The following ARPC5L variants were observed in gnomAD, a reference collection of about 807,000 sequenced individuals.
ARPC5L encodes the protein actin related protein 2/3 complex subunit 5 like, also known as actin-related protein 2/3 complex subunit 5-like protein.
ARPC5L carries 4 observed loss-of-function variants against 16.9 expected under a neutral mutation model. The observed-to-expected ratio is 0.24, with a 90% CI of 0.12 to 0.54. The LOEUF is 0.54. Ranked by LOEUF, ARPC5L falls within the 20% of genes least tolerant of loss-of-function variation. ARPC5L has a pLI of 0.95. For synonymous variants in ARPC5L, 78 were observed against 82.6 expected, an observed-to-expected ratio of 0.94 and a Z score of 0.30; for missense variants, 151 against 201.9, an observed-to-expected ratio of 0.75 and a Z score of 1.53.
In ARPC5L at chr9:124,868,830, GAGCCTTCTCCCGGGGGCCCAGCCTTCCCC is replaced by G. The variant is rs1360502860; in HGVS notation, c.-458_-430del. On this transcript the variant is annotated 5_prime_UTR_variant, in exon 3 of 6. Transcript: ENST00000353214. The stretch of plus-strand genomic sequence containing the variant: ...CCCGGCACTCGAGAAGTAGAGCCGC[GAGCCTTCTCCCGGGGGCCCAGCCTTCCCC>G]AGTACCGGCAGGGATCACCCCGGGA... The G allele has an allele frequency of 4.5e-5, 7 of 155,496 alleles. No individual in the cohort carries two copies. In the Admixed American group the frequency reaches 4.6e-4, roughly 10 times the overall value. 9.6% of individuals were successfully genotyped at this position (155,496 alleles called of 1,614,324 possible). A position where few individuals can be genotyped will look rare whatever the true frequency, so the allele number is the denominator to read the frequency against.
chr9:124,865,161 G>C (rs890598639), intron 2 of ARPC5L, among the ~76,000 whole-genome samples: 1 of 151,904 alleles, frequency 6.6e-6, no homozygotes, highest in Admixed American at 6.6e-5. Flanking sequence ...TGAAAGTCTA[G>C]GCCGGGCGTG....
rs983492915 is a variant in ARPC5L, at chr9:124,869,531, CCT to C, written c.149+93_149+94del. On this transcript the variant is annotated intron_variant, in intron 3 of 5. Transcript: ENST00000353214. ...CTCGGGCCCTTTCGGGCGGGCCTCC[CCT>C]GTCTCCGACCCTTGGCCCCCTCAGG... 116 of 1,390,818 alleles carry C rather than the reference CCT, an allele frequency of 8.3e-5. 1 individual carries two copies. In the African/African-American group the frequency reaches 1.7e-3, roughly 20 times the overall value. The allele number at this position is 1,390,818 out of a possible 1,614,324, so 86.2% of individuals were successfully genotyped here.
chr9:124,865,243 GAGGCAGAGGTTGC>G lies in ARPC5L; in HGVS notation c.-864+1139_-864+1151del, dbSNP rs1427952462. Among the ~76,000 whole-genome samples, 4 of 146,768 alleles carry G rather than the reference GAGGCAGAGGTTGC, an allele frequency of 2.7e-5. No homozygotes were observed. In the East Asian group the frequency reaches 8.1e-4, roughly 30 times the overall value. ...GAAGCAAGAGAATCGCTTGAACCCA[GAGGCAGAGGTTGC>G]AGTGAGCCGAGATCGGGCCATTGCA... is the stretch of plus-strand genomic sequence containing the variant. On this transcript the variant is annotated intron_variant, in intron 2 of 5. Coordinates refer to ENST00000353214, the MANE Select transcript of ARPC5L (RefSeq NM_030978.3).
Position 124,869,107 on chromosome 9 carries a change from G to A in ARPC5L, c.-184G>A, listed in dbSNP as rs112110607. On this transcript the variant is annotated 5_prime_UTR_variant, in exon 3 of 6. Transcript: ENST00000353214. ...CAGGCTCCGCCCCGCCCCTGACGGC[G>A]CTTCCGGATCCGGCGGGTGCCGGAA... is the stretch of plus-strand genomic sequence containing the variant. 4 of 629,400 alleles carry A rather than the reference G, an allele frequency of 6.4e-6. No individual in the cohort carries two copies. The highest frequency in any genetic ancestry group is 9.3e-6 in the Non-Finnish European group (4 of 431,846). The allele number at this position is 629,400 out of a possible 1,614,324, so 39.0% of individuals were successfully genotyped here.
At position 124,876,968 on chromosome 9, in the gene ARPC5L, G is replaced by A; in HGVS notation, c.*28G>A. On this transcript the variant is annotated 3_prime_UTR_variant, in exon 6 of 6. Transcript: ENST00000353214. ...AAAATAAAAAGACTCATGTTACCTT[G>A]AGAAGAATTCTGGATGCCCAGGCTG... The A allele has an allele frequency of 6.3e-7, 1 of 1,585,894 alleles. No individual in the cohort carries two copies. The highest frequency in any genetic ancestry group is 8.6e-7 in the Non-Finnish European group (1 of 1,162,732).
Position 124,875,004 on chromosome 9 carries a change from G to A in ARPC5L, c.252G>A (p.Val84=). The change falls in exon 5 of 6, where the codon GTG becomes GTA. Residue 84 remains valine (V), a synonymous_variant. Coordinates refer to ENST00000353214, the MANE Select transcript of ARPC5L (RefSeq NM_030978.3). ...KERAQGVVLK[V]LTNFKSSEIE... is the part of the protein sequence containing the mutation. ...GAGCCCAGGGCGTGGTGCTGAAAGT[G>A]CTCACAAACTTCAAGAGCAGTGAGA... 1 of 1,613,994 alleles carries A rather than the reference G, an allele frequency of 6.2e-7. No homozygotes were observed. The highest frequency in any genetic ancestry group is 8.5e-7 in the Non-Finnish European group (1 of 1,179,888).
intron 5 of ARPC5L, among the ~76,000 whole-genome samples, 164 bp from the exon 6 acceptor site, chr9:124,876,714 C>T (rs1023754887): frequency 6.6e-6 from 1 of 152,194 alleles, no homozygotes; most frequent in Non-Finnish European, 1.5e-5. Context: ...CCCACGGCTC[C>T]AGGACAGGGC....
At chr9:124,867,867 T>C (rs543513735) in intron 2 of ARPC5L, among the ~76,000 whole-genome samples, 1 of 148,968 alleles carries the variant, frequency 6.7e-6, no homozygotes, top group Admixed American at 6.8e-5. Flanking sequence ...TGGAGCGTAA[T>C]GGCGCGATCT....
intron 1 of ARPC5L, 145 bp downstream of exon 1, chr9:124,862,543 T>G (rs1829217737): frequency 6.7e-6 from 1 of 149,446 alleles, no homozygotes; most frequent in African/African-American, 2.5e-5. Context: ...AGAGCTTCAT[T>G]CTGTCGCCCA....
At chr9:124,867,325 G>A (rs1266732228) in intron 2 of ARPC5L, among the ~76,000 whole-genome samples, 1 of 151,878 alleles carries the variant, frequency 6.6e-6, no homozygotes, top group Non-Finnish European at 1.5e-5. Context: ...TGTTTTTGTA[G>A]AGATGGGTTT....
At chr9:124,867,459 C>T (rs1028775967) in intron 2 of ARPC5L, among the ~76,000 whole-genome samples, 1 of 152,024 alleles carries the variant, frequency 6.6e-6, no homozygotes, top group Non-Finnish European at 1.5e-5. Context: ...CCTTTGATCA[C>T]TTTATCTAAG....
At chr9:124,868,243 C>A (rs1349905844) in intron 2 of ARPC5L, among the ~76,000 whole-genome samples, 185 bp from the exon 3 acceptor site, 1 of 152,152 alleles carries the variant, frequency 6.6e-6, no homozygotes, top group East Asian at 1.9e-4. Flanking sequence ...ATTCCAACTA[C>A]TGACTTTTAT....
At chr9:124,865,464 C>T (rs1331097177) in intron 2 of ARPC5L, among the ~76,000 whole-genome samples, 1 of 152,100 alleles carries the variant, frequency 6.6e-6, no homozygotes, top group African/African-American at 2.4e-5. Context: ...TCTAGTCAAC[C>T]AGTAAATTCC....
chr9:124,867,248 T>C (rs1829282258), intron 2 of ARPC5L, among the ~76,000 whole-genome samples: 1 of 151,978 alleles, frequency 6.6e-6, no homozygotes, highest in African/African-American at 2.4e-5. Context: ...TTCAAGCGAT[T>C]CTCCCCGCTC....
At chr9:124,864,546 G>C (rs1013553461) in intron 2 of ARPC5L, among the ~76,000 whole-genome samples, 2 of 152,008 alleles carry the variant, frequency 1.3e-5, no homozygotes, top group Admixed American at 6.6e-5. Context: ...TTTTTTAGTA[G>C]AGACGGGGTT....
chr9:124,869,247 C>A lies in ARPC5L; in HGVS notation c.-44C>A. The A allele has an allele frequency of 6.7e-7, 1 of 1,481,694 alleles. No individual in the cohort carries two copies. The highest frequency in any genetic ancestry group is 1.3e-5 in the South Asian group (1 of 75,506). The allele number at this position is 1,481,694 out of a possible 1,614,324, so 91.8% of individuals were successfully genotyped here. A position where few individuals can be genotyped will look rare whatever the true frequency, so the allele number is the denominator to read the frequency against. ...GGTGCGAGCGGAGCAGAGCCGAGGT[C>A]GGGCCGCGAGCGGAGCCGGCTGAGC... On this transcript the variant is annotated 5_prime_UTR_variant, in exon 3 of 6. Coordinates refer to ENST00000353214, the MANE Select transcript of ARPC5L (RefSeq NM_030978.3).
rs1273583677 is a variant in ARPC5L, at chr9:124,875,867, G to A, written c.399+716G>A. 2.6e-5 allele frequency among the ~76,000 whole-genome samples: 4 copies of A among 152,214 alleles called. No homozygotes were observed. The South Asian group carries it at 6.2e-4, about 24-fold the overall frequency. Reference sequence around the variant, plus strand: ...GCTCAGTGTTGAGTTGGAAGAGAGGGGTTTTACAGTGGGCCAGTCCTTAAG... The same window carrying A: ...GCTCAGTGTTGAGTTGGAAGAGAGGAGTTTTACAGTGGGCCAGTCCTTAAG... On this transcript the variant is annotated intron_variant, in intron 5 of 5. Transcript: ENST00000353214.
At chr9:124,865,151 T>C (rs1829251131) in intron 2 of ARPC5L, among the ~76,000 whole-genome samples, 1 of 151,880 alleles carries the variant, frequency 6.6e-6, no homozygotes, top group Non-Finnish European at 1.5e-5. Context: ...TAGTCTTAAA[T>C]GAAAGTCTAG....
chr9:124,866,035 G>T (rs985354973), intron 2 of ARPC5L, among the ~76,000 whole-genome samples: 2 of 152,094 alleles, frequency 1.3e-5, no homozygotes, highest in African/African-American at 4.8e-5. Flanking sequence ...AACCCTGGAG[G>T]CGGAGGTTGC....
Sources: gnomAD v4.1 joint callset for allele counts (sites outside exome capture counted in the v4.1 genomes callset) on GRCh38, gnomAD v4.1.1 for gene constraint, MANE v1.5 for transcripts, NCBI Gene and HGNC (gene_info 2026-07-23, HGNC 2026-07-21) for gene names.